Variants in IRAK2 observed in about 807,000 individuals in gnomAD.
IRAK2 encodes the protein interleukin 1 receptor associated kinase 2, also known as interleukin-1 receptor-associated kinase-like 2.
Under a neutral mutation model 72.0 loss-of-function variants are expected in IRAK2, and 57 were observed. The ratio of observed to expected loss-of-function variants is 0.79; its 90% CI spans 0.64 to 0.99. IRAK2 has a LOEUF of 0.99. Among genes scored for constraint, IRAK2 ranks in the 50% least tolerant of loss-of-function variants. The pLI is 0.00. For synonymous variants in IRAK2, 293 were observed against 312.7 expected, an observed-to-expected ratio of 0.94 and a Z score of 0.67; for missense variants, 790 against 794.4, an observed-to-expected ratio of 0.99 and a Z score of 0.07.
chr3:10,167,908 G>A (rs539804379), intron 1 of IRAK2, among the ~76,000 whole-genome samples: 9 of 152,294 alleles, frequency 5.9e-5, no homozygotes, highest in Admixed American at 4.6e-4. Flanking sequence ...GGGCTCAAGC[G>A]ATCTTCCTGT....
At chr3:10,224,351 A>G (rs2125160602) in intron 9 of IRAK2, among the ~76,000 whole-genome samples, 1 of 150,782 alleles carries the variant, frequency 6.6e-6, no homozygotes, top group African/African-American at 2.4e-5. Context: ...AAAAAAAAAA[A>G]GAAAAAAAAG....
At chr3:10,181,611 C>A (rs986960062) in intron 2 of IRAK2, among the ~76,000 whole-genome samples, 3 of 152,012 alleles carry the variant, frequency 2.0e-5, no homozygotes, top group African/African-American at 7.2e-5. Flanking sequence ...AAATAAATAA[C>A]CCTGACAAAT....
intron 2 of IRAK2, among the ~76,000 whole-genome samples, chr3:10,187,796 G>A (rs1181509163): frequency 2.0e-5 from 3 of 152,136 alleles, no homozygotes; most frequent in Non-Finnish European, 4.4e-5. Flanking sequence ...CACTGCTCTG[G>A]GGAAATGGTG....
intron 2 of IRAK2, among the ~76,000 whole-genome samples, chr3:10,199,884 C>CTTTTTT (rs145377518): frequency 1.6e-5 from 2 of 124,104 alleles, no homozygotes; most frequent in African/African-American, 6.8e-5. Flanking sequence ...AGCCACTGCT[C>CTTTTTT]TTTTTTTTTT....
intron 12 of IRAK2, among the ~76,000 whole-genome samples, chr3:10,241,549 A>ACCCTGT (rs1698060680): frequency 1.7e-5 from 2 of 115,068 alleles, no homozygotes; most frequent in Admixed American, 9.5e-5. Context: ...ACAGAGTGAG[A>ACCCTGT]CTCCATCTCA....
intron 3 of IRAK2, among the ~76,000 whole-genome samples, chr3:10,207,977 G>A (rs111257987): frequency 2.1e-5 from 3 of 139,714 alleles, no homozygotes; most frequent in African/African-American, 7.9e-5. Flanking sequence ...GGGTGACAGA[G>A]TGAGACTCTG....
chr3:10,184,950 G>A (rs867344814), intron 2 of IRAK2, among the ~76,000 whole-genome samples: 2 of 149,966 alleles, frequency 1.3e-5, no homozygotes, highest in Non-Finnish European at 2.9e-5. Flanking sequence ...TGTTAGCCAG[G>A]GTGATCTCCT....
At chr3:10,199,906 G>C (rs916188249) in intron 2 of IRAK2, among the ~76,000 whole-genome samples, 3 of 43,950 alleles carry the variant, frequency 6.8e-5, no homozygotes, top group South Asian at 6.1e-4. Flanking sequence ...TTTTTTTTTT[G>C]AGACAGAGTC....
At chr3:10,169,279 CAG>C (rs1338487164) in intron 1 of IRAK2, among the ~76,000 whole-genome samples, 1 of 152,170 alleles carries the variant, frequency 6.6e-6, no homozygotes, top group African/African-American at 2.4e-5. Context: ...TAACAGGAAA[CAG>C]GGTTGGAGAG....
chr3:10,201,078 A>G (rs532928524), intron 3 of IRAK2, among the ~76,000 whole-genome samples: 1 of 152,358 alleles, frequency 6.6e-6, no homozygotes, highest in African/African-American at 2.4e-5. Context: ...AACATCTGTT[A>G]CCATTTTTGT....
rs924162071 is a variant in IRAK2, at chr3:10,180,228, G to A, written c.277+2208G>A. On this transcript the variant is annotated intron_variant, in intron 2 of 12. Transcript: ENST00000256458. The stretch of plus-strand genomic sequence containing the variant: ...ACATCCCCAAAGAGACCCCCTCAGC[G>A]TAGGGCAGGGAGCCAGTCTTCTGCA... Among the ~76,000 whole-genome samples, 9 of 152,076 alleles carry A rather than the reference G, an allele frequency of 5.9e-5. No homozygotes were observed. In the South Asian group the frequency reaches 6.2e-4, roughly 10 times the overall value.
At chr3:10,222,608 A>G in intron 8 of IRAK2, 28 bp from the exon 9 acceptor site, 1 of 1,593,972 alleles carries the variant, frequency 6.3e-7, no homozygotes, top group Non-Finnish European at 8.6e-7. Context: ...TCAAAATGAG[A>G]AGGTTCCCTC....
intron 2 of IRAK2, among the ~76,000 whole-genome samples, chr3:10,188,716 G>C (rs1050419459): frequency 6.6e-6 from 1 of 152,228 alleles, no homozygotes; most frequent in Non-Finnish European, 1.5e-5. Flanking sequence ...AGTAGAGACA[G>C]GGTTTCTCCA....
chr3:10,213,125 C>T (rs554439337), intron 4 of IRAK2, 82 bp from the exon 5 acceptor site: 7 of 1,173,610 alleles, frequency 6.0e-6, no homozygotes, highest in Admixed American at 3.8e-5. Context: ...ATCCCTCCAT[C>T]TCTGGTGTTC....
Position 10,226,571 on chromosome 3 carries a change from AGC to A in IRAK2, c.1272+139_1272+140del, listed in dbSNP as rs1403597387. ...CAAGGTTGCATTTGCATCCCCACAA[AGC>A]AGCTTTAACCTCCCATCCCCACCTG... is the stretch of plus-strand genomic sequence containing the variant. On this transcript the variant is annotated intron_variant, in intron 10 of 12. Transcript: ENST00000256458. 12 of 648,804 alleles carry A rather than the reference AGC, an allele frequency of 1.8e-5. No individual in the cohort carries two copies. In the East Asian group the frequency reaches 3.2e-4, roughly 17 times the overall value. The allele number at this position is 648,804 out of a possible 1,614,324, so 40.2% of individuals were successfully genotyped here. A position where few individuals can be genotyped will look rare whatever the true frequency, so the allele number is the denominator to read the frequency against.
chr3:10,224,097 G>A (rs922376488), intron 9 of IRAK2, among the ~76,000 whole-genome samples: 1 of 152,132 alleles, frequency 6.6e-6, no homozygotes, highest in Non-Finnish European at 1.5e-5. Context: ...AGTACTTTGG[G>A]AGGCCGATGT....
chr3:10,199,265 C>A (rs1353923598), intron 2 of IRAK2, among the ~76,000 whole-genome samples: 1 of 152,112 alleles, frequency 6.6e-6, no homozygotes, highest in Non-Finnish European at 1.5e-5. Flanking sequence ...CTCGAAGCAC[C>A]TTTGGGGTTT....
intron 10 of IRAK2, among the ~76,000 whole-genome samples, chr3:10,228,359 G>C (rs1697811381): frequency 6.6e-6 from 1 of 152,136 alleles, no homozygotes; most frequent in South Asian, 2.1e-4. Flanking sequence ...TGAACTCTGT[G>C]AGTTCCACCC....
Position 10,165,083 on chromosome 3 carries a change from C to T in IRAK2, c.94+35C>T, listed in dbSNP as rs371307726. On this transcript the variant is annotated intron_variant, in intron 1 of 12. Coordinates refer to ENST00000256458, the MANE Select transcript of IRAK2 (RefSeq NM_001570.4). ...GCCCGGGGAGGGGAGGGGACCAGGG[C>T]GACCGGAGCCCCCAGCGATCCCGCC... The T allele has an allele frequency of 5.1e-6, 8 of 1,556,788 alleles. No homozygotes were observed. In the African/African-American group the frequency reaches 8.2e-5, roughly 16 times the overall value.
Sources: gnomAD v4.1 joint callset for allele counts (sites outside exome capture counted in the v4.1 genomes callset) on GRCh38, gnomAD v4.1.1 for gene constraint, MANE v1.5 for transcripts, NCBI Gene and HGNC (gene_info 2026-07-23, HGNC 2026-07-21) for gene names.